The following COL5A3 variants were observed in gnomAD, a reference collection of about 807,000 sequenced individuals.
COL5A3 encodes collagen type V alpha 3 chain.
In COL5A3, 172 loss-of-function variants were observed where a neutral mutation model predicts 250.0. The observed-to-expected ratio is 0.69, with a 90% confidence interval of 0.61 to 0.78. The LOEUF (loss-of-function observed/expected upper bound fraction) is 0.78. Among genes scored for constraint, COL5A3 ranks in the 30% least tolerant of loss-of-function variants. The probability of loss-of-function intolerance (pLI) is 0.00; values close to 1 mark genes in which losing one functional copy is unlikely to be tolerated. For synonymous variants in COL5A3, 937 were observed against 900.4 expected (o/e 1.04, Z -0.73); for missense variants, 2,340 against 2,334.4 (o/e 1.00, Z -0.05).
chr19:9,999,469 C>CTTTT (rs530527039), intron 8 of COL5A3, among the ~76,000 whole-genome samples: 1,388 of 120,382 alleles, frequency 0.012, 91 homozygotes, highest in African/African-American at 0.044. Context: ...TTTCTTTTTT[C>CTTTT]TTTTTTTTTT....
Position 9,996,528 on chromosome 19 carries a change from T to G in COL5A3, c.1339-12A>C, listed in dbSNP as rs913051588. On this transcript the variant is annotated splice_polypyrimidine_tract_variant and intron_variant, in intron 12 of 66. Coordinates refer to ENST00000264828, the MANE Select transcript of COL5A3 (RefSeq NM_015719.4). ...CCTGCAAACTGGAACTGGGAGGAAT[T>G]TAGTGGTGAGGGAAGCCCCCAGGAG... The G allele has an allele frequency of 1.9e-6, 3 of 1,613,764 alleles. No homozygotes were observed. In the African/African-American group the frequency reaches 4.0e-5, roughly 22 times the overall value.
chr19:9,991,623 G>A lies in COL5A3; in HGVS notation c.1979C>T (p.Thr660Ile), dbSNP rs1231186489. ...GCTGTCACTCACCTTCTCCCCAGGA[G>A]TGCCAATGAGTCCCTGGGGACCGGG... is the stretch of plus-strand genomic sequence containing the variant. ...GLPGPQGLIG[T>I]PGEKGPPGNP... is the part of the protein sequence containing the mutation. The change falls in exon 24 of 67, where the codon ACT (threonine) becomes ATT (isoleucine). Residue 660 changes from threonine (T) to isoleucine (I), a missense_variant. Around this residue, in one of 3 missense-constraint regions of COL5A3, gnomAD observed 1,152 missense variants for 1,146.3 expected, o/e 1.00. Transcript: ENST00000264828. 7.5e-6 allele frequency: 12 copies of A among 1,603,516 alleles called. No homozygotes were observed. Among genetic ancestry groups the A allele is most frequent in the Middle Eastern group, 1.7e-4 (1 of 6,048 alleles).
intron 62 of COL5A3, 129 bp downstream of exon 62, chr19:9,967,218 T>C: frequency 1.5e-6 from 1 of 647,050 alleles, no homozygotes; most frequent in South Asian, 3.2e-5. Flanking sequence ...TTCACCTACA[T>C]CCTCTGAACA....
intron 4 of COL5A3, among the ~76,000 whole-genome samples, chr19:10,005,137 A>G (rs1280581349): frequency 1.3e-5 from 2 of 152,140 alleles, no homozygotes; most frequent in Non-Finnish European, 2.9e-5. Flanking sequence ...CGGGTGGATC[A>G]CTTGAGGCCA....
At position 9,996,703 on chromosome 19, in the gene COL5A3, G is replaced by C; in HGVS notation, c.1264-14C>G. 1 of 1,591,776 alleles carries C rather than the reference G, an allele frequency of 6.3e-7. No individual in the cohort carries two copies. The highest frequency in any genetic ancestry group is 8.5e-7 in the Non-Finnish European group (1 of 1,172,942). On this transcript the variant is annotated splice_polypyrimidine_tract_variant and intron_variant, in intron 11 of 66. Coordinates refer to ENST00000264828, the MANE Select transcript of COL5A3 (RefSeq NM_015719.4). Reference sequence around the variant, plus strand: ...GCCAGCAGGGCCCTGAGAGAGGGATGGGGGAAGAGAGGTGGAGACAGGGAG... The same window carrying C: ...GCCAGCAGGGCCCTGAGAGAGGGATCGGGGAAGAGAGGTGGAGACAGGGAG...
intron 41 of COL5A3, 103 bp from the exon 42 acceptor site, chr19:9,977,804 T>A (rs1416005474): frequency 3.3e-6 from 3 of 916,540 alleles, no homozygotes; most frequent in Non-Finnish European, 4.6e-6. Context: ...ACCAGGATTG[T>A]ATCTAACCTG....
In COL5A3 at chr19:9,992,866, C is replaced by G; in HGVS notation, c.1809G>C (p.Leu603=). 6.2e-7 allele frequency: 1 copy of G among 1,614,160 alleles called. No individual in the cohort carries two copies. Residue 603 remains leucine (L), a synonymous_variant, in exon 21 of 67, where the codon CTG becomes CTC. Coordinates refer to ENST00000264828, the MANE Select transcript of COL5A3 (RefSeq NM_015719.4). The stretch of plus-strand genomic sequence containing the variant: ...GGCCAGGAGAGCCTCTGGGGCCAAG[C>G]AGTCCTCGTGGACCCTGCAAGGGAG... ...GQAGEPGPRG[L]LGPRGSPGPT...
intron 31 of COL5A3, among the ~76,000 whole-genome samples, chr19:9,983,572 GAAAGAAAGAAAGAAAGAA>G (rs1392321881): frequency 3.2e-4 from 23 of 71,642 alleles, no homozygotes; most frequent in African/African-American, 9.3e-4. Flanking sequence ...AAGAAAGAAA[GAAAGAAAGAAAGAAAGAA>G]AGAAAGAAAG....
intron 4 of COL5A3, 36 bp downstream of exon 4, chr19:10,005,522 C>G (rs374095095): frequency 1.2e-6 from 2 of 1,606,366 alleles, no homozygotes; most frequent in Non-Finnish European, 1.7e-6. Context: ...AACATCCCAC[C>G]CTCTGCCTCA....
intron 51 of COL5A3, among the ~76,000 whole-genome samples, chr19:9,972,145 A>C (rs1168052313): frequency 6.6e-6 from 1 of 152,094 alleles, no homozygotes; most frequent in Non-Finnish European, 1.5e-5. Flanking sequence ...TCATGCATCC[A>C]TTAATTTACT....
intron 61 of COL5A3, 34 bp downstream of exon 61, chr19:9,967,870 G>A: frequency 6.2e-7 from 1 of 1,605,760 alleles, no homozygotes; most frequent in South Asian, 1.1e-5. Flanking sequence ...GGGGAGCTGG[G>A]ATGTGTAAGC....
At chr19:9,993,199 C>G (rs373033700) in intron 19 of COL5A3, 132 bp from the exon 20 acceptor site, 15 of 1,148,404 alleles carry the variant, frequency 1.3e-5, no homozygotes, top group East Asian at 9.4e-5. Flanking sequence ...AGACTAAGTT[C>G]ATGGGATTCC....
At chr19:9,979,514 G>T in intron 37 of COL5A3, 97 bp from the exon 38 acceptor site, 1 of 1,335,266 alleles carries the variant, frequency 7.5e-7, no homozygotes, top group Non-Finnish European at 1.1e-6. Context: ...AATCTGGCCG[G>T]TCCGGTGGCT....
At chr19:9,986,187 A>G in intron 30 of COL5A3, 128 bp downstream of exon 30, 1 of 673,384 alleles carries the variant, frequency 1.5e-6, no homozygotes, top group Non-Finnish European at 2.5e-6. Flanking sequence ...TGCTGAGCTG[A>G]GGAATTAAAG....
chr19:9,993,510 G>C, intron 18 of COL5A3, 77 bp from the exon 19 acceptor site: 1 of 1,574,986 alleles, frequency 6.3e-7, no homozygotes, highest in Non-Finnish European at 8.7e-7. Flanking sequence ...GGCAGATGGG[G>C]TGTGAGGAGG....
intron 64 of COL5A3, among the ~76,000 whole-genome samples, chr19:9,965,185 C>T (rs1428784720): frequency 7.3e-6 from 1 of 137,814 alleles, no homozygotes; most frequent in Non-Finnish European, 1.5e-5. Context: ...GATGGAGTCT[C>T]GCTCTGTCGC....
At chr19:9,980,511 AC>A in intron 35 of COL5A3, 136 bp downstream of exon 35, 1 of 1,272,158 alleles carries the variant, frequency 7.9e-7, no homozygotes, top group Admixed American at 2.1e-5. Flanking sequence ...ACAGGCGTGC[AC>A]CACCACACCC....
intron 13 of COL5A3, 50 bp downstream of exon 13, chr19:9,996,383 C>A (rs769812429): frequency 6.3e-7 from 1 of 1,598,264 alleles, no homozygotes; most frequent in African/African-American, 1.3e-5. Flanking sequence ...TACGCCGAGG[C>A]TCTATCACTC....
rs147777886 is a variant in COL5A3, at chr19:9,968,093, A to T, written c.4315-14T>A. ...ACCAGGGGGACCCTAGGAAAAGGACATCGGGTCAGTATTGGTGGGGTACAC... is the reference window on the plus strand; with the variant it reads ...ACCAGGGGGACCCTAGGAAAAGGACTTCGGGTCAGTATTGGTGGGGTACAC... On this transcript the variant is annotated splice_polypyrimidine_tract_variant and intron_variant, in intron 59 of 66. Coordinates refer to ENST00000264828, the MANE Select transcript of COL5A3 (RefSeq NM_015719.4). This position sits in a 1 kb window ranked among gnomAD's most constrained non-coding sequence, Gnocchi z 4.1. 3.5e-5 allele frequency: 56 copies of T among 1,587,752 alleles called. No individual in the cohort carries two copies. The African/African-American group carries it at 6.3e-4, about 18-fold the overall frequency.
Sources: allele counts gnomAD v4.1 joint callset (sites outside exome capture counted in the v4.1 genomes callset), GRCh38; gene constraint gnomAD v4.1.1; regional missense constraint gnomAD v4.1.1; non-coding constraint Gnocchi (gnomAD v3.1); transcripts MANE v1.5; gene names NCBI Gene and HGNC (gene_info 2026-07-23, HGNC 2026-07-21).